ATRNL1: variants seen among roughly 807,000 people sequenced by gnomAD.
ATRNL1 encodes attractin like 1, also known as attractin-like protein 1.
A neutral mutation model predicts 182.7 loss-of-function variants in ATRNL1; 95 were observed. The ratio of observed to expected loss-of-function variants is 0.52; its 90% confidence interval spans 0.44 to 0.62. The LOEUF is 0.62. Ranked by LOEUF, ATRNL1 falls within the 20% of genes least tolerant of loss-of-function variation. ATRNL1 has a pLI of 0.00. For missense variants in ATRNL1, 1,471 were observed against 1,679.5 expected (o/e 0.88, Z 2.17); for synonymous variants, 576 against 568.3 (o/e 1.01, Z -0.19).
intron 23 of ATRNL1, 115 bp downstream of exon 23, chr10:115,467,367 T>A (rs1000711203): frequency 1.6e-6 from 1 of 641,728 alleles, no homozygotes. Flanking sequence ...TATGACAGGA[T>A]TATTTTGCTG....
intron 5 of ATRNL1, among the ~76,000 whole-genome samples, chr10:115,148,080 G>A (rs1291843131): frequency 2.6e-5 from 4 of 152,136 alleles, no homozygotes; most frequent in African/African-American, 9.7e-5. Context: ...CCCAATCCAT[G>A]TACATGGGAT....
Position 115,166,915 on chromosome 10 carries a change from TTTTAA to T in ATRNL1, c.1092+1275_1092+1279del, listed in dbSNP as rs566563059. 7.2e-5 allele frequency among the ~76,000 whole-genome samples: 11 copies of T among 152,068 alleles called. No individual in the cohort carries two copies. In the South Asian group the frequency reaches 2.3e-3, roughly 32 times the overall value. Reference sequence around the variant, plus strand: ...TAATTTTAGTTTAATTTAATTTTAATTTTAATTTATTTTTTCTTTTGTTACTTATG... The same window carrying T: ...TAATTTTAGTTTAATTTAATTTTAATTTTATTTTTTCTTTTGTTACTTATG... On this transcript the variant is annotated intron_variant, in intron 7 of 28. Coordinates refer to ENST00000355044, the MANE Select transcript of ATRNL1 (RefSeq NM_207303.4).
At chr10:115,576,351 C>A (rs782724137) in intron 26 of ATRNL1, among the ~76,000 whole-genome samples, 3 of 151,980 alleles carry the variant, frequency 2.0e-5, no homozygotes, top group Non-Finnish European at 4.4e-5. Flanking sequence ...ATTTATGTTT[C>A]AATTAATAGT....
chr10:115,934,932 C>T (rs782498706), intron 28 of ATRNL1, among the ~76,000 whole-genome samples: 35 of 152,166 alleles, frequency 2.3e-4, no homozygotes, highest in Non-Finnish European at 4.1e-4. Context: ...CCCTTCCCTC[C>T]ATGCTGCTGA....
At chr10:115,669,240 T>C (rs1024219734) in intron 26 of ATRNL1, among the ~76,000 whole-genome samples, 1 of 152,148 alleles carries the variant, frequency 6.6e-6, no homozygotes, top group Non-Finnish European at 1.5e-5. Flanking sequence ...TCTGAATTTT[T>C]ACTTTTTTGC....
chr10:115,650,634 A>T (rs1201053555), intron 26 of ATRNL1, among the ~76,000 whole-genome samples: 2 of 152,018 alleles, frequency 1.3e-5, no homozygotes, highest in Non-Finnish European at 2.9e-5. Context: ...ACTAGAGAGG[A>T]AGGGGATTGG....
intron 26 of ATRNL1, among the ~76,000 whole-genome samples, chr10:115,655,812 G>A (rs1860293249): frequency 6.6e-6 from 1 of 152,170 alleles, no homozygotes; most frequent in Admixed American, 6.5e-5. Flanking sequence ...AGGATACTTT[G>A]AGCTGTTAGG....
intron 19 of ATRNL1, among the ~76,000 whole-genome samples, chr10:115,390,028 A>T (rs1284795782): frequency 6.6e-6 from 1 of 152,040 alleles, no homozygotes; most frequent in African/African-American, 2.4e-5. Context: ...TCCTTTGTCC[A>T]TTTTAAAATT....
At position 115,366,745 on chromosome 10, in the gene ATRNL1, C is replaced by T. The variant is rs1370675527; in HGVS notation, c.3176-27914C>T. Among the ~76,000 whole-genome samples, 7 of 151,744 alleles carry T rather than the reference C, an allele frequency of 4.6e-5. No homozygotes were observed. The South Asian group carries it at 1.3e-3, about 27-fold the overall frequency. On this transcript the variant is annotated intron_variant, in intron 19 of 28. Coordinates refer to ENST00000355044, the MANE Select transcript of ATRNL1 (RefSeq NM_207303.4). ...ACAAAATCGGTTAGCATTTGCTTGT[C>T]TGTAAAGTATTTTATTTCTCCTTCA...
At chr10:115,704,832 G>C (rs1946847630) in intron 26 of ATRNL1, among the ~76,000 whole-genome samples, 1 of 151,586 alleles carries the variant, frequency 6.6e-6, no homozygotes, top group African/African-American at 2.4e-5. Flanking sequence ...TCCTATTATA[G>C]TCTTTCTGCT....
At chr10:115,876,032 T>C (rs1951693119) in intron 28 of ATRNL1, among the ~76,000 whole-genome samples, 1 of 152,134 alleles carries the variant, frequency 6.6e-6, no homozygotes, top group Non-Finnish European at 1.5e-5. Context: ...CGGAAGTAGG[T>C]ATTTGGTTTA....
intron 21 of ATRNL1, among the ~76,000 whole-genome samples, chr10:115,436,779 T>A (rs1277903279): frequency 6.6e-6 from 1 of 152,122 alleles, no homozygotes; most frequent in Admixed American, 6.5e-5. Context: ...TTGTGTTTAT[T>A]CATTCTACAT....
intron 19 of ATRNL1, among the ~76,000 whole-genome samples, chr10:115,373,470 A>AC (rs1554948656): frequency 6.6e-6 from 1 of 151,990 alleles, no homozygotes; most frequent in Non-Finnish European, 1.5e-5. Context: ...TTGACTTTTC[A>AC]CTAATGAGTA....
chr10:115,273,787 G>A (rs548096175), intron 13 of ATRNL1, among the ~76,000 whole-genome samples: 4 of 152,316 alleles, frequency 2.6e-5, no homozygotes, highest in African/African-American at 7.2e-5. Flanking sequence ...AGAAGGCAGT[G>A]TGGCAGAAGT....
At chr10:115,703,450 G>A (rs1946801370) in intron 26 of ATRNL1, among the ~76,000 whole-genome samples, 1 of 151,526 alleles carries the variant, frequency 6.6e-6, no homozygotes, top group Non-Finnish European at 1.5e-5. Flanking sequence ...CAGCAAAAGA[G>A]AACATTGTTA....
At chr10:115,649,777 T>C (rs928172738) in intron 26 of ATRNL1, among the ~76,000 whole-genome samples, 7 of 152,180 alleles carry the variant, frequency 4.6e-5, no homozygotes, top group African/African-American at 1.7e-4. Context: ...GAATAAACTG[T>C]TGCATTAAGG....
chr10:115,391,891 A>T (rs1388801796), intron 19 of ATRNL1, among the ~76,000 whole-genome samples: 4 of 151,974 alleles, frequency 2.6e-5, no homozygotes, highest in South Asian at 2.1e-4. Context: ...TCATTGTATG[A>T]TACTATTTTT....
chr10:115,322,283 G>T (rs1213415600), intron 18 of ATRNL1, among the ~76,000 whole-genome samples: 2 of 151,652 alleles, frequency 1.3e-5, no homozygotes, highest in African/African-American at 2.4e-5. Flanking sequence ...AATAATTTGA[G>T]TGATGAAAGG....
chr10:115,408,915 T>C (rs962547543), intron 20 of ATRNL1, among the ~76,000 whole-genome samples: 22 of 152,206 alleles, frequency 1.4e-4, no homozygotes, highest in Non-Finnish European at 3.1e-4. Context: ...CTCCATTATG[T>C]TTCATTGATC....
Sources: gnomAD v4.1 joint callset for allele counts (sites outside exome capture counted in the v4.1 genomes callset) on GRCh38, gnomAD v4.1.1 for gene constraint, MANE v1.5 for transcripts, NCBI Gene and HGNC (gene_info 2026-07-23, HGNC 2026-07-21) for gene names.